Variants in ZMIZ2 observed in about 807,000 individuals in gnomAD.
ZMIZ2 encodes zinc finger MIZ-type containing 2.
A neutral mutation model predicts 93.9 loss-of-function variants in ZMIZ2; 26 were observed. The observed-to-expected ratio is 0.28, with a 90% CI of 0.20 to 0.38. ZMIZ2 has a LOEUF of 0.38. Ranked by LOEUF, ZMIZ2 falls within the 10% of genes least tolerant of loss-of-function variation. ZMIZ2 has a pLI of 1.00. For synonymous variants in ZMIZ2, 485 were observed against 516.4 expected (o/e 0.94, Z 0.82); for missense variants, 1,023 against 1,235.0 (o/e 0.83, Z 2.57).
intron 8 of ZMIZ2, 87 bp from the exon 9 acceptor site, chr7:44,760,338 C>A: frequency 5.1e-6 from 8 of 1,576,410 alleles, no homozygotes; most frequent in Non-Finnish European, 6.9e-6. Flanking sequence ...CCTCTGTTAT[C>A]ATGGTTCCCA....
At chr7:44,757,270 G>A (rs1396297760) in intron 4 of ZMIZ2, 108 bp from the exon 5 acceptor site, 2 of 1,508,252 alleles carry the variant, frequency 1.3e-6, no homozygotes, top group African/African-American at 1.4e-5. Flanking sequence ...GTAGTGGAGG[G>A]TCTAGAAAGA....
chr7:44,756,669 A>T (rs908999377), intron 3 of ZMIZ2, 130 bp downstream of exon 3: 1 of 1,013,094 alleles, frequency 9.9e-7, no homozygotes. Context: ...GAGGCATGAC[A>T]TATGAGGATG....
Position 44,757,915 on chromosome 7 carries a change from C to G in ZMIZ2, c.620C>G (p.Pro207Arg), listed in dbSNP as rs1291772765. 1 of 1,610,630 alleles carries G rather than the reference C, an allele frequency of 6.2e-7. No individual in the cohort carries two copies. The highest frequency in any genetic ancestry group is 1.1e-5 in the South Asian group (1 of 90,392). Residue 207 changes from proline (P) to arginine (R), a missense_variant, in exon 6 of 19, where the codon CCC (proline) becomes CGC (arginine). Pro to Arg is a moderately radical substitution (Grantham distance 103). Transcript: ENST00000309315. ...QHGGPRGPSV[P>R]AGMNPTGIGG... ...GGAGGTCCCCGGGGGCCTAGTGTCC[C>G]CGCTGGCATGAACCCTACTGGCATA...
Position 44,756,226 on chromosome 7 carries a change from G to C in ZMIZ2, c.-24G>C, listed in dbSNP as rs199849745. On this transcript the variant is annotated 5_prime_UTR_variant, in exon 2 of 19. Transcript: ENST00000309315. ...GTTCCAGATAAAAACTGTCAGACCCGGCCTGTAGGCTGCTCCATTGCCAAT... is the reference window on the plus strand; with the variant it reads ...GTTCCAGATAAAAACTGTCAGACCCCGCCTGTAGGCTGCTCCATTGCCAAT... The C allele has an allele frequency of 1.2e-5, 19 of 1,613,962 alleles. No homozygotes were observed. The highest frequency in any genetic ancestry group is 1.6e-5 in the Non-Finnish European group (19 of 1,179,994).
chr7:44,760,553 T>C lies in ZMIZ2; in HGVS notation c.1200T>C (p.Asp400=), dbSNP rs1791074880. Residue 400 remains aspartate (D), a synonymous_variant, in exon 9 of 19, where the codon GAT becomes GAC. Transcript: ENST00000309315. The part of the protein sequence containing the change: ...NQEVKSPFLP[D]LKPNLNSLHS... ...AGGTCAAGTCTCCCTTCTTGCCTGA[T>C]CTCAAGCCCAACCTCAACTCCTTGC... The C allele has an allele frequency of 1.2e-6, 2 of 1,614,006 alleles. No homozygotes were observed. Among genetic ancestry groups the C allele is most frequent in the Non-Finnish European group, 1.7e-6 (2 of 1,180,000 alleles).
At position 44,756,849 on chromosome 7, in the gene ZMIZ2, A is replaced by G. The variant is rs1057256607; in HGVS notation, c.166-98A>G. 9 of 1,458,704 alleles carry G rather than the reference A, an allele frequency of 6.2e-6. No individual in the cohort carries two copies. In the African/African-American group the frequency reaches 8.6e-5, roughly 14 times the overall value. 90.4% of individuals were successfully genotyped at this position (1,458,704 alleles called of 1,614,324 possible). On this transcript the variant is annotated intron_variant, in intron 3 of 18. Transcript: ENST00000309315. The stretch of plus-strand genomic sequence containing the variant: ...CCCTGTCCCCCCCACCTCTCCCCCA[A>G]CCCACTTGCCAGGCCTGTTGGTTTC...
chr7:44,761,935 T>G lies in ZMIZ2; in HGVS notation c.1596+30T>G, dbSNP rs1261047751. The G allele has an allele frequency of 2.2e-6, 3 of 1,379,700 alleles. No homozygotes were observed. The highest frequency in any genetic ancestry group is 1.9e-5 in the Admixed American group (1 of 52,508). The allele number at this position is 1,379,700 out of a possible 1,614,324, so 85.5% of individuals were successfully genotyped here. A position where few individuals can be genotyped will look rare whatever the true frequency, so the allele number is the denominator to read the frequency against. On this transcript the variant is annotated intron_variant, in intron 11 of 18. Transcript: ENST00000309315. This position sits in a 1 kb window ranked among gnomAD's most constrained non-coding sequence, Gnocchi z 5.8. ...GTGTCCTGCGCCGAGGGGGCGGTGC[T>G]GTGGCGTGGGGCGGGGTGTGGTGGG...
intron 6 of ZMIZ2, among the ~76,000 whole-genome samples, chr7:44,758,667 C>G (rs1334613449): frequency 1.3e-5 from 2 of 151,206 alleles, no homozygotes; most frequent in Non-Finnish European, 3.0e-5. Context: ...AATCTCAGCA[C>G]TTTGGGAGGC....
At position 44,768,083 on chromosome 7, in the gene ZMIZ2, G is replaced by A. The variant is rs979074578; in HGVS notation, c.*460G>A. On this transcript the variant is annotated 3_prime_UTR_variant, in exon 19 of 19. Coordinates refer to ENST00000309315, the MANE Select transcript of ZMIZ2 (RefSeq NM_031449.4). ...GCTGGCTCTGTCCCCTGGGCCTTTG[G>A]CTCCAGTGGCCCCTGTGCCCAGCAG... 66 of 175,348 alleles carry A rather than the reference G, an allele frequency of 3.8e-4. No homozygotes were observed. The highest frequency in any genetic ancestry group is 2.5e-3 in the Middle Eastern group (1 of 404). The allele number at this position is 175,348 out of a possible 1,614,324, so 10.9% of individuals were successfully genotyped here.
rs1791212834 is a variant in ZMIZ2 at position 44,761,827 on chromosome 7, GC to G, written c.1519del (p.His507ThrfsTer6). The G allele has an allele frequency of 6.2e-7, 1 of 1,613,218 alleles. No individual in the cohort carries two copies. Among genetic ancestry groups the G allele is most frequent in the Non-Finnish European group, 8.5e-7 (1 of 1,180,018 alleles). Reference protein sequence around the residue: ...TIERGDNKTSHKPLYLKHVCQ... With the variant: ...TIERGDNKTSXKPLYLKHVCQ... ...TCGAGCGTGGCGACAACAAGACCTCGCACAAGCCACTCTACCTGAAGCATGT... is the reference window on the plus strand; with the variant it reads ...TCGAGCGTGGCGACAACAAGACCTCGACAAGCCACTCTACCTGAAGCATGT... On this transcript the variant is annotated frameshift_variant, in exon 11 of 19. Coordinates refer to ENST00000309315, the MANE Select transcript of ZMIZ2 (RefSeq NM_031449.4). LOFTEE classifies it high-confidence loss of function. This position sits in a 1 kb window ranked among gnomAD's most constrained non-coding sequence, Gnocchi z 5.8.
At chr7:44,750,964 A>G (rs1427338804) in intron 1 of ZMIZ2, 3 of 152,218 alleles carry the variant, frequency 2.0e-5, no homozygotes, top group African/African-American at 4.8e-5. Context: ...ACACTATCCT[A>G]TCATCAGGGG....
Position 44,763,012 on chromosome 7 carries a change from C to T in ZMIZ2, c.1702+26C>T. 6.3e-7 allele frequency: 1 copy of T among 1,591,112 alleles called. No individual in the cohort carries two copies. On this transcript the variant is annotated intron_variant, in intron 12 of 18. Transcript: ENST00000309315. This position sits in a 1 kb window ranked among gnomAD's most constrained non-coding sequence, Gnocchi z 5.6. ...GTGAGTGGCTCCTGCCCCTCAGCTG[C>T]CAGGCAGCCATCCCCATTCTGTGTG...
intron 1 of ZMIZ2, among the ~76,000 whole-genome samples, chr7:44,752,744 ACT>A (rs1443836402): frequency 2.0e-5 from 3 of 152,004 alleles, no homozygotes; most frequent in African/African-American, 7.3e-5. Context: ...CGTTGATTTA[ACT>A]CTTCATCCAT....
intron 1 of ZMIZ2, among the ~76,000 whole-genome samples, chr7:44,752,965 AT>A (rs769451936): frequency 6.6e-6 from 1 of 152,214 alleles, no homozygotes; most frequent in Non-Finnish European, 1.5e-5. Flanking sequence ...TACATTTTAC[AT>A]TCCCACTAGT....
chr7:44,757,344 C>T lies in ZMIZ2; in HGVS notation c.369-34C>T, dbSNP rs771112550. 29 of 1,588,406 alleles carry T rather than the reference C, an allele frequency of 1.8e-5. No individual in the cohort carries two copies. In the South Asian group the frequency reaches 2.4e-4, roughly 13 times the overall value. On this transcript the variant is annotated intron_variant, in intron 4 of 18. Transcript: ENST00000309315. Reference sequence around the variant, plus strand: ...CACAGTCCTGGCCCTCATGAGCCCACGCAGAGAGCGTGGCAATCCTGTGTC... The same window carrying T: ...CACAGTCCTGGCCCTCATGAGCCCATGCAGAGAGCGTGGCAATCCTGTGTC...
intron 1 of ZMIZ2, chr7:44,750,844 G>C (rs187247006): frequency 2.0e-5 from 3 of 152,198 alleles, no homozygotes; most frequent in Admixed American, 2.0e-4. Context: ...GACCCTTGGT[G>C]GGCATGGGCC....
In ZMIZ2 at chr7:44,765,880, GC is replaced by G; in HGVS notation, c.2243-278del. The G allele has an allele frequency of 1.5e-6, 2 of 1,347,752 alleles. No individual in the cohort carries two copies. The highest frequency in any genetic ancestry group is 1.9e-6 in the Non-Finnish European group (2 of 1,036,470). 83.5% of individuals were successfully genotyped at this position (1,347,752 alleles called of 1,614,324 possible). A position where few individuals can be genotyped will look rare whatever the true frequency, so the allele number is the denominator to read the frequency against. Reference sequence around the variant, plus strand: ...CCTCACAGGACTGGCCCCATCTGGGGCCCCCCTCTGGGACCCACCTCACACG... The same window carrying G: ...CCTCACAGGACTGGCCCCATCTGGGGCCCCCTCTGGGACCCACCTCACACG... On this transcript the variant is annotated intron_variant, in intron 16 of 18. Transcript: ENST00000309315. The surrounding 1 kb of genome is among the most constrained non-coding windows in gnomAD (Gnocchi z 4.1).
At position 44,759,342 on chromosome 7, in the gene ZMIZ2, C is replaced by T. The variant is rs773781507; in HGVS notation, c.875C>T (p.Ala292Val). ...TATGCACCCAGCACCGCCCAGTTTG[C>T]GCCCAGCCCTGGGCAGCCCCCTGCC... ...GQYAPSTAQFAPSPGQPPAPS... is the reference protein window; with the variant it reads ...GQYAPSTAQFVPSPGQPPAPS... The change falls in exon 7 of 19, where the codon GCG becomes GTG. Residue 292 changes from alanine (A) to valine (V), a missense_variant. By Grantham distance (64) the Ala-to-Val change is moderately conservative. Coordinates refer to ENST00000309315, the MANE Select transcript of ZMIZ2 (RefSeq NM_031449.4). 21 of 1,604,336 alleles carry T rather than the reference C, an allele frequency of 1.3e-5. No individual in the cohort carries two copies. Among genetic ancestry groups the T allele is most frequent in the South Asian group, 3.3e-5 (3 of 89,756 alleles).
rs549758696 is a variant in ZMIZ2, at chr7:44,766,842, C to G, written c.2655+179C>G. The stretch of plus-strand genomic sequence containing the variant: ...ACCTGGAGTAGCTGCGGGTGGGATG[C>G]GATGTACCACATTTGTGTTCATGAG... On this transcript the variant is annotated intron_variant, in intron 18 of 18. Coordinates refer to ENST00000309315, the MANE Select transcript of ZMIZ2 (RefSeq NM_031449.4). The surrounding 1 kb of genome is among the most constrained non-coding windows in gnomAD (Gnocchi z 4.4). Among the ~76,000 whole-genome samples, 1 of 152,126 alleles carries G rather than the reference C, an allele frequency of 6.6e-6. No individual in the cohort carries two copies. The highest frequency in any genetic ancestry group is 1.5e-5 in the Non-Finnish European group (1 of 68,028).
Sources: gnomAD v4.1 joint callset for allele counts (sites outside exome capture counted in the v4.1 genomes callset) on GRCh38, gnomAD v4.1.1 for gene constraint, Gnocchi (gnomAD v3.1) non-coding constraint, MANE v1.5 for transcripts, NCBI Gene and HGNC (gene_info 2026-07-23, HGNC 2026-07-21) for gene names.